The following SMARCA2 variants were observed in gnomAD, a reference collection of about 807,000 sequenced individuals.
SMARCA2 encodes the protein SWI/SNF-related matrix-associated actin-dependent regulator of chromatin subfamily A member 2.
A neutral mutation model predicts 199.8 loss-of-function variants in SMARCA2; 61 were observed. The observed-to-expected ratio is 0.31, with a 90% CI of 0.25 to 0.38. The LOEUF (loss-of-function observed/expected upper bound fraction) is 0.38. Among genes scored for constraint, SMARCA2 ranks in the 10% least tolerant of loss-of-function variants. The probability of loss-of-function intolerance (pLI) is 1.00; values close to 1 mark genes in which losing one functional copy is unlikely to be tolerated. For synonymous variants in SMARCA2, 935 were observed against 732.0 expected (o/e 1.28, Z -4.48); for missense variants, 1,344 against 2,012.2 (o/e 0.67, Z 6.35).
At chr9:2,178,940 CAAT>C (rs1826815712) in intron 29 of SMARCA2, among the ~76,000 whole-genome samples, 1 of 152,062 alleles carries the variant, frequency 6.6e-6, no homozygotes, top group African/African-American at 2.4e-5. Context: ...AGGAGAGAAA[CAAT>C]AACACACATG....
intron 1 of SMARCA2, among the ~76,000 whole-genome samples, chr9:2,022,652 G>T (rs1284468062): frequency 1.3e-5 from 2 of 152,168 alleles, no homozygotes; most frequent in Non-Finnish European, 2.9e-5. Flanking sequence ...ATGTATTTCA[G>T]ACTCTTCTTT....
chr9:2,059,849 T>C (rs925492535), intron 8 of SMARCA2, among the ~76,000 whole-genome samples: 1 of 152,152 alleles, frequency 6.6e-6, no homozygotes, highest in Non-Finnish European at 1.5e-5. Context: ...AGTTGCCTCT[T>C]AAAGATTTTG....
chr9:2,083,516 T>A, intron 16 of SMARCA2, 103 bp downstream of exon 16: 1 of 703,824 alleles, frequency 1.4e-6, no homozygotes, highest in South Asian at 1.8e-5. Flanking sequence ...GTTGTAAAGT[T>A]TTGTCATGTA....
intron 29 of SMARCA2, among the ~76,000 whole-genome samples, chr9:2,180,775 T>C (rs987526805): frequency 6.6e-6 from 1 of 152,176 alleles, no homozygotes; most frequent in Non-Finnish European, 1.5e-5. Flanking sequence ...GTAGCCTGTG[T>C]TTGAAAATTA....
intron 21 of SMARCA2, among the ~76,000 whole-genome samples, chr9:2,097,756 G>T (rs1237340248): frequency 6.6e-6 from 1 of 152,030 alleles, no homozygotes; most frequent in African/African-American, 2.4e-5. Context: ...TGTGGGTTTG[G>T]GTAAGTACTG....
In SMARCA2 at chr9:2,119,341, C is replaced by T. The variant is rs957857735; in HGVS notation, c.3685-117C>T. On this transcript the variant is annotated intron_variant, in intron 25 of 33. Transcript: ENST00000349721. This position sits in a 1 kb window ranked among gnomAD's most constrained non-coding sequence, Gnocchi z 4.6. ...CAAGGACTAAATCCAGCAACCCCTT[C>T]CCTTTTCTTTCTGCCTTGAGAAATG... 1 of 675,084 alleles carries T rather than the reference C, an allele frequency of 1.5e-6. No individual in the cohort carries two copies. Among genetic ancestry groups the T allele is most frequent in the South Asian group, 1.8e-5 (1 of 55,946 alleles). 41.8% of individuals were successfully genotyped at this position (675,084 alleles called of 1,614,324 possible). A position where few individuals can be genotyped will look rare whatever the true frequency, so the allele number is the denominator to read the frequency against.
intron 5 of SMARCA2, among the ~76,000 whole-genome samples, chr9:2,054,048 G>C (rs916000771): frequency 2.6e-5 from 4 of 152,212 alleles, no homozygotes; most frequent in African/African-American, 9.6e-5. Flanking sequence ...GTGGCTGGCA[G>C]AGCGCTTTCT....
intron 33 of SMARCA2, 99 bp downstream of exon 33, chr9:2,191,507 C>G (rs1314223096): frequency 7.8e-7 from 1 of 1,285,432 alleles, no homozygotes. Flanking sequence ...GCTTTATTAC[C>G]CAGGACTGGA....
rs891587315 is a variant in SMARCA2 at position 2,159,202 on chromosome 9, C to CT, written c.3982-2479dup. ...AAGGCGGGGTGAGAGTAGAAATATC[C>CT]TTTTTACAACTCCCCCCAACTTCAT... On this transcript the variant is annotated intron_variant, in intron 27 of 33. Transcript: ENST00000349721. Among the ~76,000 whole-genome samples the CT allele has an allele frequency of 3.3e-5, 5 of 152,056 alleles. No individual in the cohort carries two copies. In the South Asian group the frequency reaches 6.2e-4, roughly 19 times the overall value.
At chr9:2,121,555 G>T (rs1823461202) in intron 26 of SMARCA2, among the ~76,000 whole-genome samples, 2 of 152,176 alleles carry the variant, frequency 1.3e-5, no homozygotes, top group Admixed American at 1.3e-4. Context: ...AACAAGAATG[G>T]AATGTGAGCT....
In SMARCA2 at chr9:2,089,224, T is replaced by C. The variant is rs77553588; in HGVS notation, c.2883+611T>C. Among the ~76,000 whole-genome samples the C allele has an allele frequency of 6.1e-3, 934 of 152,294 alleles. 14 individuals are homozygous for C. Among genetic ancestry groups the C allele is most frequent in the African/African-American group, 0.021 (870 of 41,556 alleles). On this transcript the variant is annotated intron_variant, in intron 19 of 33. Coordinates refer to ENST00000349721, the MANE Select transcript of SMARCA2 (RefSeq NM_003070.5). ...CTTTTGGAAACTTAGTCTGCAGTAC[T>C]TTAGAACACCTTTTGAGCCCTTAGC... is the stretch of plus-strand genomic sequence containing the variant.
rs187321388 is a variant in SMARCA2 at position 2,166,302 on chromosome 9, G to C, written c.4200-4117G>C. 2.7e-3 allele frequency among the ~76,000 whole-genome samples: 415 copies of C among 152,178 alleles called. 1 individual carries two copies. Among genetic ancestry groups the C allele is most frequent in the African/African-American group, 9.6e-3 (397 of 41,520 alleles). On this transcript the variant is annotated intron_variant, in intron 28 of 33. Transcript: ENST00000349721. Reference sequence around the variant, plus strand: ...CTGATCATTAATTACAGGGTGGTTAGCTTCCTTATTCTGGACACCAGAATT... The same window carrying C: ...CTGATCATTAATTACAGGGTGGTTACCTTCCTTATTCTGGACACCAGAATT...
chr9:2,113,394 C>A (rs148336395), intron 24 of SMARCA2, among the ~76,000 whole-genome samples: 1 of 152,300 alleles, frequency 6.6e-6, no homozygotes, highest in East Asian at 1.9e-4. Context: ...CCACATTTAG[C>A]TTGCAGACCC....
At chr9:2,132,600 A>C (rs1421914346) in intron 27 of SMARCA2, among the ~76,000 whole-genome samples, 2 of 152,110 alleles carry the variant, frequency 1.3e-5, no homozygotes, top group African/African-American at 4.8e-5. Flanking sequence ...TCTTTTATCA[A>C]ATGGCATTTT....
chr9:2,184,076 C>A (rs977639926), intron 31 of SMARCA2, among the ~76,000 whole-genome samples: 3 of 152,142 alleles, frequency 2.0e-5, no homozygotes, highest in African/African-American at 7.2e-5. Flanking sequence ...TCTTCCCAAC[C>A]TTTGAGGTTC....
At chr9:2,118,086 G>A (rs1448210409) in intron 25 of SMARCA2, among the ~76,000 whole-genome samples, 1 of 152,168 alleles carries the variant, frequency 6.6e-6, no homozygotes, top group Non-Finnish European at 1.5e-5. Flanking sequence ...TTGGGCATGG[G>A]GTTGTCTGAG....
Position 2,086,637 on chromosome 9 carries a change from C to G in SMARCA2, c.2527-192C>G, listed in dbSNP as rs529527732. On this transcript the variant is annotated intron_variant, in intron 17 of 33. Transcript: ENST00000349721. The surrounding 1 kb of genome is among the most constrained non-coding windows in gnomAD (Gnocchi z 4.3). ...TAAGGAACATTGTTCCTTTAACATT[C>G]TATTATTATAGGATGTCTTATGCGG... Among the ~76,000 whole-genome samples, 8 of 152,276 alleles carry G rather than the reference C, an allele frequency of 5.3e-5. No individual in the cohort carries two copies. Among genetic ancestry groups the G allele is most frequent in the Non-Finnish European group, 1.2e-4 (8 of 68,026 alleles).
intron 12 of SMARCA2, 92 bp from the exon 13 acceptor site, chr9:2,076,137 T>C: frequency 1.4e-6 from 1 of 735,706 alleles, no homozygotes; most frequent in Non-Finnish European, 2.4e-6. Flanking sequence ...TTTGTGAAGT[T>C]CAATACTAGT....
At chr9:2,116,734 T>C (rs185909407) in intron 25 of SMARCA2, among the ~76,000 whole-genome samples, 12 of 152,322 alleles carry the variant, frequency 7.9e-5, no homozygotes, top group South Asian at 4.1e-4. Flanking sequence ...TTTATAAATA[T>C]TCATTCCAAA....
Sources: gnomAD v4.1 joint callset for allele counts (sites outside exome capture counted in the v4.1 genomes callset) on GRCh38, gnomAD v4.1.1 for gene constraint, Gnocchi (gnomAD v3.1) non-coding constraint, MANE v1.5 for transcripts, NCBI Gene and HGNC (gene_info 2026-07-23, HGNC 2026-07-21) for gene names.